AKNA: variants seen among roughly 807,000 people sequenced by gnomAD.
AKNA encodes AT-hook transcription factor.
In AKNA, 67 loss-of-function variants were observed where a neutral mutation model predicts 138.8. That is an observed-to-expected ratio of 0.48 (90% confidence interval 0.40 to 0.59). The LOEUF is 0.59. AKNA is among the 20% of genes least tolerant of loss of function. The pLI is 0.00. For synonymous variants in AKNA, 737 were observed against 754.4 expected, an observed-to-expected ratio of 0.98 and a Z score of 0.38; for missense variants, 1,813 against 1,880.4, an observed-to-expected ratio of 0.96 and a Z score of 0.66.
intron 16 of AKNA, 31 bp from the exon 17 acceptor site, chr9:114,346,815 G>C (rs1205049279): frequency 1.3e-6 from 2 of 1,589,758 alleles, no homozygotes; most frequent in Non-Finnish European, 1.7e-6. Context: ...TGATGTCATT[G>C]GATGAGGTTT....
At chr9:114,394,775 C>T (rs556649838), upstream of AKNA, among the ~76,000 whole-genome samples, 1 of 152,358 alleles carries the variant, frequency 6.6e-6, no homozygotes, top group South Asian at 2.1e-4. Flanking sequence ...ACAAATAAAG[C>T]ATTATCCTCC....
At position 114,337,252 on chromosome 9, in the gene AKNA, G is replaced by T; in HGVS notation, c.4122C>A (p.Pro1374=). ...TSAQPAAKWP[P]TASPPPARRH... ...TCCGGGCTGGTGGGGGAGAGGCTGT[G>T]GGCGGCCACTTGGCAGCTGGTTGGG... Residue 1374 remains proline, a synonymous_variant, in exon 22 of 22, where the codon CCC becomes CCA. Coordinates refer to ENST00000374088, the MANE Select transcript of AKNA (RefSeq NM_001317950.2). 6.4e-7 allele frequency: 1 copy of T among 1,556,300 alleles called. No individual in the cohort carries two copies. The highest frequency in any genetic ancestry group is 2.3e-5 in the East Asian group (1 of 43,300).
chr9:114,355,806 A>G, intron 14 of AKNA, 119 bp downstream of exon 14: 1 of 1,109,596 alleles, frequency 9.0e-7, no homozygotes, highest in Non-Finnish European at 1.3e-6. Flanking sequence ...GTTATCTGTA[A>G]TTTCAAATTT....
intron 9 of AKNA, among the ~76,000 whole-genome samples, chr9:114,361,455 AC>A (rs942922549): frequency 2.0e-5 from 3 of 151,830 alleles, no homozygotes; most frequent in African/African-American, 7.3e-5. Context: ...AATCACTGTA[AC>A]CAGTTCAACT....
At chr9:114,391,299 TG>T (rs1313414681), upstream of AKNA, among the ~76,000 whole-genome samples, 1 of 151,976 alleles carries the variant, frequency 6.6e-6, no homozygotes, top group Non-Finnish European at 1.5e-5. Flanking sequence ...AAATCGAGAG[TG>T]GAGCTTCTTA....
At position 114,371,051 on chromosome 9, in the gene AKNA, G is replaced by A. The variant is rs77846191; in HGVS notation, c.1417-2456C>T. On this transcript the variant is annotated intron_variant, in intron 4 of 21. Transcript: ENST00000374088. ...AGGTGGCAACATGGCAGCAAATGCA[G>A]TGAGATCACTATAAACCCTGGCCAG... is the stretch of plus-strand genomic sequence containing the variant. Among the ~76,000 whole-genome samples the A allele has an allele frequency of 5.1e-3, 782 of 152,330 alleles. 5 individuals are homozygous for A. The highest frequency in any genetic ancestry group is 0.018 in the African/African-American group (740 of 41,574).
At chr9:114,382,521 T>G (rs1589032282) in intron 1 of AKNA, among the ~76,000 whole-genome samples, 1 of 146,746 alleles carries the variant, frequency 6.8e-6, no homozygotes, top group South Asian at 2.1e-4. Flanking sequence ...AGGTCGAAGC[T>G]GCAGTGAGCC....
chr9:114,384,207 C>G lies in AKNA; in HGVS notation c.-113-2761G>C, dbSNP rs183999189. Among the ~76,000 whole-genome samples the G allele has an allele frequency of 1.6e-3, 238 of 152,176 alleles. 1 individual carries two copies. Among genetic ancestry groups the G allele is most frequent in the African/African-American group, 5.4e-3 (225 of 41,506 alleles). On this transcript the variant is annotated intron_variant, in intron 1 of 21. Coordinates refer to ENST00000374088, the MANE Select transcript of AKNA (RefSeq NM_001317950.2). The stretch of plus-strand genomic sequence containing the variant: ...ATCCATCAGTAAAAATATATTTGCT[C>G]GAACACATCACGCTAATATATTACA...
intron 12 of AKNA, 60 bp from the exon 13 acceptor site, chr9:114,357,029 C>T (rs923941139): frequency 2.0e-6 from 3 of 1,484,568 alleles, no homozygotes; most frequent in Non-Finnish European, 9.0e-7. Context: ...CTGGGAAGCC[C>T]TTCCCAAATC....
intron 15 of AKNA, 89 bp from the exon 16 acceptor site, chr9:114,347,989 T>C (rs1588954195): frequency 7.0e-7 from 1 of 1,430,840 alleles, no homozygotes; most frequent in Non-Finnish European, 9.4e-7. Flanking sequence ...CGGCAGCCTT[T>C]GTCCCTTCAC....
In AKNA at chr9:114,359,576, A is replaced by G. The variant is rs1176230207; in HGVS notation, c.2492+18T>C. On this transcript the variant is annotated intron_variant, in intron 11 of 21. Transcript: ENST00000374088. The stretch of plus-strand genomic sequence containing the variant: ...AGGGTGGAAACAAACATTCTGCAGG[A>G]AAGGCTCAGTGACTTACTCCAGGGG... 6.2e-7 allele frequency: 1 copy of G among 1,611,094 alleles called. No homozygotes were observed. The highest frequency in any genetic ancestry group is 8.5e-7 in the Non-Finnish European group (1 of 1,180,026).
chr9:114,348,850 C>T (rs1336782385), intron 15 of AKNA: 2 of 456,272 alleles, frequency 4.4e-6, no homozygotes, highest in Admixed American at 4.7e-5. Context: ...CTTGGTCTGG[C>T]TTCTGGGGTG....
intron 14 of AKNA, among the ~76,000 whole-genome samples, chr9:114,354,721 A>C (rs1010332097): frequency 1.3e-5 from 2 of 151,868 alleles, no homozygotes; most frequent in Non-Finnish European, 2.9e-5. Context: ...TCAAAAAAAA[A>C]AAAAAAAAAT....
At chr9:114,378,816 C>T (rs1425490254) in intron 2 of AKNA, among the ~76,000 whole-genome samples, 2 of 152,186 alleles carry the variant, frequency 1.3e-5, no homozygotes, top group South Asian at 2.1e-4. Flanking sequence ...GTTTATGGAG[C>T]ACCCACTCTG....
At chr9:114,354,697 A>C (rs1157754918) in intron 14 of AKNA, among the ~76,000 whole-genome samples, 1 of 146,466 alleles carries the variant, frequency 6.8e-6, no homozygotes, top group Non-Finnish European at 1.5e-5. Context: ...TGGGTGAAAG[A>C]GCGAGACTCT....
At chr9:114,368,235 G>A in intron 5 of AKNA, 1 of 493,708 alleles carries the variant, frequency 2.0e-6, no homozygotes, top group Non-Finnish European at 3.2e-6. Context: ...CAGGGCCAGG[G>A]CTGCCCCCAG....
chr9:114,378,689 CA>C (rs1344062511), intron 2 of AKNA, among the ~76,000 whole-genome samples: 1 of 152,098 alleles, frequency 6.6e-6, no homozygotes, highest in Non-Finnish European at 1.5e-5. Flanking sequence ...TCCATCTACC[CA>C]CCCATCTATC....
chr9:114,375,942 A>C (rs112223984), intron 3 of AKNA: 24 of 453,976 alleles, frequency 5.3e-5, no homozygotes, highest in Non-Finnish European at 9.3e-5. Context: ...CCCAAACCCC[A>C]GGCCTCCCTA....
At chr9:114,351,781 T>C (rs1370180335) in intron 14 of AKNA, among the ~76,000 whole-genome samples, 1 of 151,974 alleles carries the variant, frequency 6.6e-6, no homozygotes, top group African/African-American at 2.4e-5. Flanking sequence ...CAGTGAGCCA[T>C]AATGGCGACA....
Sources: allele counts gnomAD v4.1 joint callset (sites outside exome capture counted in the v4.1 genomes callset), GRCh38; gene constraint gnomAD v4.1.1; transcripts MANE v1.5; gene names NCBI Gene and HGNC (gene_info 2026-07-23, HGNC 2026-07-21).